Variants in ASAP3 observed in about 807,000 individuals in gnomAD.
The protein encoded by ASAP3 is arf-GAP with SH3 domain, ANK repeat and PH domain-containing protein 3.
Under a neutral mutation model 118.2 loss-of-function variants are expected in ASAP3, and 85 were observed. The observed-to-expected ratio is 0.72, with a 90% CI of 0.60 to 0.86. The LOEUF is 0.86. Ranked by LOEUF, ASAP3 falls within the 40% of genes least tolerant of loss-of-function variation. The probability of loss-of-function intolerance (pLI) is 0.00; values close to 1 mark genes in which losing one functional copy is unlikely to be tolerated. For missense variants in ASAP3, 1,026 were observed against 1,175.0 expected, an observed-to-expected ratio of 0.87 and a Z score of 1.85; for synonymous variants, 432 against 477.4, an observed-to-expected ratio of 0.90 and a Z score of 1.24.
intron 1 of ASAP3, among the ~76,000 whole-genome samples, chr1:23,477,232 G>A (rs183123537): frequency 1.3e-5 from 2 of 151,574 alleles, no homozygotes; most frequent in African/African-American, 4.8e-5. Context: ...GGCCAGGCTG[G>A]TCTCGAACTC....
At position 23,455,949 on chromosome 1, in the gene ASAP3, C is replaced by CATGGCTGTTCTGGGACAG. The variant is rs1306423644; in HGVS notation, c.262_279dup (p.Leu88_His93dup). 1 of 1,614,016 alleles carries CATGGCTGTTCTGGGACAG rather than the reference C, an allele frequency of 6.2e-7. No individual in the cohort carries two copies. Among genetic ancestry groups the CATGGCTGTTCTGGGACAG allele is most frequent in the East Asian group, 2.2e-5 (1 of 44,880 alleles). ...AAGTTTAGGAAGCCTGTGGACAGCTCATGGCTGTTCTGGGACAGGTGGCTG... is the reference window on the plus strand; with the variant it reads ...AAGTTTAGGAAGCCTGTGGACAGCTCATGGCTGTTCTGGGACAGATGGCTGTTCTGGGACAGGTGGCTG... On this transcript the variant is annotated inframe_insertion, in exon 3 of 25. Transcript: ENST00000336689.
At chr1:23,460,506 CA>C (rs71023213) in intron 1 of ASAP3, among the ~76,000 whole-genome samples, 57,614 of 84,090 alleles carry the variant, frequency 0.69, 17,581 homozygotes, top group Admixed American at 0.71. Flanking sequence ...GACTCCATCT[CA>C]AAAAAAAAAA....
intron 3 of ASAP3, 77 bp from the exon 4 acceptor site, chr1:23,452,848 C>T: frequency 9.3e-6 from 13 of 1,390,462 alleles, no homozygotes; most frequent in East Asian, 2.3e-5. Context: ...TACAGTGAAG[C>T]ATCACTTGGC....
chr1:23,442,433 G>C, intron 6 of ASAP3, 68 bp downstream of exon 6: 1 of 1,598,210 alleles, frequency 6.3e-7, no homozygotes. Flanking sequence ...GCTGTGACTG[G>C]TCCCCTGGAG....
Position 23,442,188 on chromosome 1 carries a change from G to A in ASAP3, c.669C>T (p.His223=), listed in dbSNP as rs146448823. The change falls in exon 7 of 25, where the codon CAC becomes CAT. Residue 223 remains histidine (H), a splice_region_variant and synonymous_variant. Coordinates refer to ENST00000336689, the MANE Select transcript of ASAP3 (RefSeq NM_017707.4). ...QSLIKFFHAQ[H]NFFQDGWKAA... ...CAGGGACGCGGGAAGATACCTACTT[G>A]TGCTGGGCGTGGAAGAACTTGATGA... 3 of 1,597,842 alleles carry A rather than the reference G, an allele frequency of 1.9e-6. No homozygotes were observed. Among genetic ancestry groups the A allele is most frequent in the African/African-American group, 2.7e-5 (2 of 74,950 alleles).
chr1:23,461,665 G>A (rs1462967646), intron 1 of ASAP3, among the ~76,000 whole-genome samples: 3 of 148,338 alleles, frequency 2.0e-5, no homozygotes, highest in East Asian at 2.0e-4. Flanking sequence ...TGTCTCAAAC[G>A]CACCCCCCCA....
At chr1:23,475,208 C>T (rs1310294506) in intron 1 of ASAP3, among the ~76,000 whole-genome samples, 1 of 152,196 alleles carries the variant, frequency 6.6e-6, no homozygotes, top group Non-Finnish European at 1.5e-5. Context: ...ATCAGGAGCA[C>T]AGTGGAAGAT....
intron 5 of ASAP3, among the ~76,000 whole-genome samples, chr1:23,445,983 GA>G (rs559900492): frequency 5.7e-4 from 81 of 141,248 alleles, no homozygotes; most frequent in South Asian, 8.8e-4. Flanking sequence ...TCTGTCTCAA[GA>G]AAAAAAAAAA....
At chr1:23,461,679 A>G (rs75991523) in intron 1 of ASAP3, among the ~76,000 whole-genome samples, 5,250 of 151,820 alleles carry the variant, frequency 0.035, 266 homozygotes, top group African/African-American at 0.12. Flanking sequence ...CCCCCCACAA[A>G]AAAAAAAAAC....
chr1:23,460,541 A>C (rs1325982358), intron 1 of ASAP3, among the ~76,000 whole-genome samples: 1 of 151,122 alleles, frequency 6.6e-6, no homozygotes, highest in Non-Finnish European at 1.5e-5. Context: ...ACAAAAACAC[A>C]CACACACACA....
At chr1:23,457,418 T>G (rs918461376) in intron 1 of ASAP3, among the ~76,000 whole-genome samples, 1 of 151,968 alleles carries the variant, frequency 6.6e-6, no homozygotes, top group African/African-American at 2.4e-5. Flanking sequence ...CAATGTGGAG[T>G]GTTCTCAGAG....
intron 1 of ASAP3, among the ~76,000 whole-genome samples, chr1:23,469,974 G>A (rs551090149): frequency 6.6e-6 from 1 of 152,120 alleles, no homozygotes; most frequent in Admixed American, 6.6e-5. Context: ...TTTTCTAATG[G>A]TGGAAGCCAG....
Position 23,434,374 on chromosome 1 carries a change from G to C in ASAP3, c.1836-5C>G. On this transcript the variant is annotated splice_polypyrimidine_tract_variant and splice_region_variant and intron_variant, in intron 18 of 24. Transcript: ENST00000336689. ...GCCTTGGCATCCAGGTGACCACTGG[G>C]GAGAGGAGGGTTCAGGGAGAAAGGA... is the stretch of plus-strand genomic sequence containing the variant. The C allele has an allele frequency of 6.2e-7, 1 of 1,614,070 alleles. No homozygotes were observed. The highest frequency in any genetic ancestry group is 8.5e-7 in the Non-Finnish European group (1 of 1,179,942).
intron 1 of ASAP3, among the ~76,000 whole-genome samples, chr1:23,480,842 A>G (rs1168671672): frequency 6.6e-6 from 1 of 152,224 alleles, no homozygotes; most frequent in Non-Finnish European, 1.5e-5. Context: ...CAAGACAGGA[A>G]GAGGCTGGTT....
At chr1:23,483,223 G>A (rs1642367492) in intron 1 of ASAP3, among the ~76,000 whole-genome samples, 1 of 152,206 alleles carries the variant, frequency 6.6e-6, no homozygotes, top group Admixed American at 6.5e-5. Context: ...CCAAATTGAG[G>A]GCATCCTTTG....
In ASAP3 at chr1:23,429,733, G is replaced by A; in HGVS notation, c.*123C>T. 1 of 978,264 alleles carries A rather than the reference G, an allele frequency of 1.0e-6. No homozygotes were observed. The highest frequency in any genetic ancestry group is 1.5e-6 in the Non-Finnish European group (1 of 667,820). The allele number at this position is 978,264 out of a possible 1,614,324, so 60.6% of individuals were successfully genotyped here. The stretch of plus-strand genomic sequence containing the variant: ...GGCAGGAAGAAGGCCAGCTACAGAG[G>A]CACAAGGGACAGAGAGAGTGAGATC... On this transcript the variant is annotated 3_prime_UTR_variant, in exon 25 of 25. Transcript: ENST00000336689.
In ASAP3 at chr1:23,437,206, G is replaced by T. The variant is rs1308897783; in HGVS notation, c.1266C>A (p.His422Gln). 1.2e-6 allele frequency: 2 copies of T among 1,604,518 alleles called. No homozygotes were observed. The highest frequency in any genetic ancestry group is 3.4e-5 in the Admixed American group (2 of 58,538). ...CCGCGATGAGCAGCTTTGTGAGGTC[G>T]TGCGGCTCCCCATCATGGCCGGCGG... is the stretch of plus-strand genomic sequence containing the variant. Reference protein sequence around the residue: ...WGSAGHDGEPHDLTKLLIAEV... With the variant: ...WGSAGHDGEPQDLTKLLIAEV... The change falls in exon 14 of 25, where the codon CAC becomes CAA. Residue 422 changes from histidine to glutamine, a missense_variant. His to Gln is a conservative substitution (Grantham distance 24, BLOSUM62 0). Coordinates refer to ENST00000336689, the MANE Select transcript of ASAP3 (RefSeq NM_017707.4). The surrounding 1 kb of genome is among the most constrained non-coding windows in gnomAD (Gnocchi z 6.1).
At chr1:23,471,010 G>A (rs933205651) in intron 1 of ASAP3, among the ~76,000 whole-genome samples, 3 of 152,186 alleles carry the variant, frequency 2.0e-5, no homozygotes, top group African/African-American at 4.8e-5. Context: ...CAATCCTGGG[G>A]AAGAACCTGG....
chr1:23,469,709 T>C (rs1356473232), intron 1 of ASAP3, among the ~76,000 whole-genome samples: 2 of 152,212 alleles, frequency 1.3e-5, no homozygotes, highest in Non-Finnish European at 2.9e-5. Flanking sequence ...TTTATGTTTG[T>C]TACCTGGCCT....
Sources: gnomAD v4.1 joint callset for allele counts (sites outside exome capture counted in the v4.1 genomes callset) on GRCh38, gnomAD v4.1.1 for gene constraint, Gnocchi (gnomAD v3.1) non-coding constraint, MANE v1.5 for transcripts, NCBI Gene and HGNC (gene_info 2026-07-23, HGNC 2026-07-21) for gene names.